Variants in ADRB1 observed in about 807,000 individuals in gnomAD.
ADRB1 encodes the protein adrenoceptor beta 1.
For synonymous variants in ADRB1, 365 were observed against 347.2 expected (o/e 1.05, Z -0.57); for missense variants, 635 against 709.1 (o/e 0.90, Z 1.19).
Position 114,044,593 on chromosome 10 carries a change from T to G in ADRB1, c.461T>G (p.Leu154Arg). 1 of 1,613,558 alleles carries G rather than the reference T, an allele frequency of 6.2e-7. No individual in the cohort carries two copies. Among genetic ancestry groups the G allele is most frequent in the Admixed American group, 1.7e-5 (1 of 60,026 alleles). ...ASIETLCVIA[L>R]DRYLAITSPF... Reference sequence around the variant, plus strand: ...ATCGAGACCCTGTGTGTCATTGCCCTGGACCGCTACCTCGCCATCACCTCG... The same window carrying G: ...ATCGAGACCCTGTGTGTCATTGCCCGGGACCGCTACCTCGCCATCACCTCG... The change falls in exon 1 of 1, where the codon CTG becomes CGG. Residue 154 changes from leucine (L) to arginine (R), a missense_variant. Physicochemically the swap from Leu to Arg is moderately radical, Grantham distance 102. Transcript: ENST00000369295. This position sits in a 1 kb window ranked among gnomAD's most constrained non-coding sequence, Gnocchi z 7.8.
Position 114,045,797 on chromosome 10 carries a change from C to CAT in ADRB1, c.*231_*232insAT. On this transcript the variant is annotated 3_prime_UTR_variant, in exon 1 of 1. Transcript: ENST00000369295. ...TTTTTTTTCTTTTCTTTTCTTTCTTCTTCTTTTTTTTTTTTTTTTTTTTTT... is the reference window on the plus strand; with the variant it reads ...TTTTTTTTCTTTTCTTTTCTTTCTTCATTTCTTTTTTTTTTTTTTTTTTTTTT... 5.6e-6 allele frequency: 1 copy of CAT among 177,312 alleles called. No homozygotes were observed. Among genetic ancestry groups the CAT allele is most frequent in the Admixed American group, 1.1e-4 (1 of 9,022 alleles). The allele number at this position is 177,312 out of a possible 1,614,324, so 11.0% of individuals were successfully genotyped here. A position where few individuals can be genotyped will look rare whatever the true frequency, so the allele number is the denominator to read the frequency against.
Position 114,044,569 on chromosome 10 carries a change from T to C in ADRB1, c.437T>C (p.Ile146Thr). The C allele has an allele frequency of 1.9e-6, 3 of 1,613,698 alleles. No homozygotes were observed. Among genetic ancestry groups the C allele is most frequent in the Non-Finnish European group, 2.5e-6 (3 of 1,179,944 alleles). The change falls in exon 1 of 1, where the codon ATC (isoleucine) becomes ACC (threonine). Residue 146 changes from isoleucine to threonine, a missense_variant. Coordinates refer to ENST00000369295, the MANE Select transcript of ADRB1 (RefSeq NM_000684.3). The surrounding 1 kb of genome is among the most constrained non-coding windows in gnomAD (Gnocchi z 7.8). ...GACGTGCTGTGCGTGACGGCCAGCA[T>C]CGAGACCCTGTGTGTCATTGCCCTG... ...SVDVLCVTAS[I>T]ETLCVIALDR...
rs1847538581 is a variant in ADRB1 at position 114,044,960 on chromosome 10, G to GCCCTCT, written c.833_834insTCCCTC (p.Ser278_Pro279dup). ...GCCCAGCGCGGCCGCCCTCGCCCTCGCCCTCGCCCGTCCCCGCGCCCGCGC... is the reference window on the plus strand; with the variant it reads ...GCCCAGCGCGGCCGCCCTCGCCCTCGCCCTCTCCCTCGCCCGTCCCCGCGCCCGCGC... On this transcript the variant is annotated inframe_insertion, in exon 1 of 1. Coordinates refer to ENST00000369295, the MANE Select transcript of ADRB1 (RefSeq NM_000684.3). The surrounding 1 kb of genome is among the most constrained non-coding windows in gnomAD (Gnocchi z 7.8). The GCCCTCT allele has an allele frequency of 3.2e-6, 4 of 1,263,678 alleles. No individual in the cohort carries two copies. The highest frequency in any genetic ancestry group is 4.0e-6 in the Non-Finnish European group (4 of 998,414). 78.3% of individuals were successfully genotyped at this position (1,263,678 alleles called of 1,614,324 possible).
Position 114,045,448 on chromosome 10 carries a change from C to T in ADRB1, c.1316C>T (p.Thr439Met), listed in dbSNP as rs1232115036. 7 of 1,250,452 alleles carry T rather than the reference C, an allele frequency of 5.6e-6. No homozygotes were observed. The highest frequency in any genetic ancestry group is 6.4e-5 in the East Asian group (2 of 31,098). The allele number at this position is 1,250,452 out of a possible 1,614,324, so 77.5% of individuals were successfully genotyped here. The change falls in exon 1 of 1, where the codon ACG becomes ATG. Residue 439 changes from threonine (T) to methionine (M), a missense_variant. Transcript: ENST00000369295. Reference protein sequence around the residue: ...DDDDDDVVGATPPARLLEPWA... With the variant: ...DDDDDDVVGAMPPARLLEPWA... ...GACGACGACGATGTCGTCGGGGCCA[C>T]GCCGCCCGCGCGCCTGCTGGAGCCC...
In ADRB1 at chr10:114,045,638, C is replaced by G; in HGVS notation, c.*72C>G. The G allele has an allele frequency of 3.3e-6, 4 of 1,210,866 alleles. No homozygotes were observed. The highest frequency in any genetic ancestry group is 4.2e-6 in the Non-Finnish European group (4 of 956,038). 75.0% of individuals were successfully genotyped at this position (1,210,866 alleles called of 1,614,324 possible). A position where few individuals can be genotyped will look rare whatever the true frequency, so the allele number is the denominator to read the frequency against. On this transcript the variant is annotated 3_prime_UTR_variant, in exon 1 of 1. Coordinates refer to ENST00000369295, the MANE Select transcript of ADRB1 (RefSeq NM_000684.3). The stretch of plus-strand genomic sequence containing the variant: ...GAGGAGATCTGTGTTTACTTAAGAC[C>G]GATAGCAGGTGAACTCGAAGCCCAC...
Position 114,044,267 on chromosome 10 carries a change from C to G in ADRB1, c.135C>G (p.Pro45=), listed in dbSNP as rs746355133. The G allele has an allele frequency of 1.3e-6, 2 of 1,526,068 alleles. No homozygotes were observed. The highest frequency in any genetic ancestry group is 2.8e-5 in the African/African-American group (2 of 70,386). The allele number at this position is 1,526,068 out of a possible 1,614,324, so 94.5% of individuals were successfully genotyped here. ...PASPPASLLP[P]ASESPEPLSQ... The stretch of plus-strand genomic sequence containing the variant: ...CGCCGCCCGCCTCGTTGCTGCCTCC[C>G]GCCAGCGAAAGCCCCGAGCCGCTGT... Residue 45 remains proline, a synonymous_variant, in exon 1 of 1, where the codon CCC becomes CCG. Coordinates refer to ENST00000369295, the MANE Select transcript of ADRB1 (RefSeq NM_000684.3). This position sits in a 1 kb window ranked among gnomAD's most constrained non-coding sequence, Gnocchi z 7.8.
At position 114,044,071 on chromosome 10, in the gene ADRB1, G is replaced by A. The variant is rs1847523894; in HGVS notation, c.-62G>A. 8.3e-7 allele frequency: 1 copy of A among 1,205,612 alleles called. No individual in the cohort carries two copies. The highest frequency in any genetic ancestry group is 4.4e-5 in the Admixed American group (1 of 22,500). The allele number at this position is 1,205,612 out of a possible 1,614,324, so 74.7% of individuals were successfully genotyped here. The stretch of plus-strand genomic sequence containing the variant: ...CGCACCACGCCGCCCGGGCTTCTGG[G>A]GTGTTCCCCAACCACGGCCCAGCCC... On this transcript the variant is annotated 5_prime_UTR_variant, in exon 1 of 1. Coordinates refer to ENST00000369295, the MANE Select transcript of ADRB1 (RefSeq NM_000684.3). This position sits in a 1 kb window ranked among gnomAD's most constrained non-coding sequence, Gnocchi z 7.8.
chr10:114,044,586 A>C lies in ADRB1; in HGVS notation c.454A>C (p.Ile152Leu). 6.2e-7 allele frequency: 1 copy of C among 1,613,544 alleles called. No individual in the cohort carries two copies. The highest frequency in any genetic ancestry group is 8.5e-7 in the Non-Finnish European group (1 of 1,179,944). Residue 152 changes from isoleucine (I) to leucine (L), a missense_variant, in exon 1 of 1, where the codon ATT (isoleucine) becomes CTT (leucine). Ile to Leu is a conservative substitution (Grantham distance 5). Transcript: ENST00000369295. The surrounding 1 kb of genome is among the most constrained non-coding windows in gnomAD (Gnocchi z 7.8). ...VTASIETLCV[I>L]ALDRYLAITS... is the part of the protein sequence containing the mutation. ...GGCCAGCATCGAGACCCTGTGTGTC[A>C]TTGCCCTGGACCGCTACCTCGCCAT... is the stretch of plus-strand genomic sequence containing the variant.
At position 114,045,766 on chromosome 10, in the gene ADRB1, G is replaced by GT; in HGVS notation, c.*202dup. On this transcript the variant is annotated 3_prime_UTR_variant, in exon 1 of 1. Transcript: ENST00000369295. Reference sequence around the variant, plus strand: ...GGAGAGTGGCTTGCTGATGTTCCTTGTTGTTTTTTTTTTCTTTTCTTTTCT... The same window carrying GT: ...GGAGAGTGGCTTGCTGATGTTCCTTGTTTGTTTTTTTTTTCTTTTCTTTTCT... The GT allele has an allele frequency of 7.0e-6, 2 of 287,152 alleles. No homozygotes were observed. Among genetic ancestry groups the GT allele is most frequent in the Non-Finnish European group, 1.3e-5 (2 of 157,202 alleles). The allele number at this position is 287,152 out of a possible 1,614,324, so 17.8% of individuals were successfully genotyped here. A position where few individuals can be genotyped will look rare whatever the true frequency, so the allele number is the denominator to read the frequency against.
chr10:114,045,390 C>G lies in ADRB1; in HGVS notation c.1258C>G (p.Pro420Ala). 8.0e-7 allele frequency: 1 copy of G among 1,247,918 alleles called. No individual in the cohort carries two copies. The highest frequency in any genetic ancestry group is 1.0e-6 in the Non-Finnish European group (1 of 995,278). 77.3% of individuals were successfully genotyped at this position (1,247,918 alleles called of 1,614,324 possible). Reference protein sequence around the residue: ...RASGCLARPGPPPSPGAASDD... With the variant: ...RASGCLARPGAPPSPGAASDD... ...CTCGGGCTGTCTGGCCCGGCCCGGA[C>G]CCCCGCCATCGCCCGGGGCCGCCTC... The change falls in exon 1 of 1, where the codon CCC becomes GCC. Residue 420 changes from proline (P) to alanine (A), a missense_variant. Transcript: ENST00000369295.
Position 114,045,620 on chromosome 10 carries a change from T to A in ADRB1, c.*54T>A. 1.6e-6 allele frequency: 2 copies of A among 1,252,426 alleles called. No individual in the cohort carries two copies. Among genetic ancestry groups the A allele is most frequent in the Non-Finnish European group, 1.0e-6 (1 of 989,008 alleles). 77.6% of individuals were successfully genotyped at this position (1,252,426 alleles called of 1,614,324 possible). ...ACGGCTTCCCAGGGGAACGAGGAGA[T>A]CTGTGTTTACTTAAGACCGATAGCA... On this transcript the variant is annotated 3_prime_UTR_variant, in exon 1 of 1. Transcript: ENST00000369295.
chr10:114,045,590 C>CG lies in ADRB1; in HGVS notation c.*27dup, dbSNP rs1373138139. On this transcript the variant is annotated 3_prime_UTR_variant, in exon 1 of 1. Coordinates refer to ENST00000369295, the MANE Select transcript of ADRB1 (RefSeq NM_000684.3). ...AGGGCCCGGCGCGGGGCGCGGACTC[C>CG]GGGCACGGCTTCCCAGGGGAACGAG... 7.9e-7 allele frequency: 1 copy of CG among 1,271,966 alleles called. No homozygotes were observed. Among genetic ancestry groups the CG allele is most frequent in the Non-Finnish European group, 1.0e-6 (1 of 1,001,472 alleles). 78.8% of individuals were successfully genotyped at this position (1,271,966 alleles called of 1,614,324 possible).
rs925216195 is a variant in ADRB1, at chr10:114,043,934, G to A, written c.-199G>A. On this transcript the variant is annotated 5_prime_UTR_variant, in exon 1 of 1. Transcript: ENST00000369295. ...GGCTCCAGCAGCAGCGGCGGCGGCG[G>A]CGGCGGCGGCAGCGGCAGCGACAGC... is the stretch of plus-strand genomic sequence containing the variant. 3.8e-6 allele frequency: 1 copy of A among 262,136 alleles called. No homozygotes were observed. Among genetic ancestry groups the A allele is most frequent in the Non-Finnish European group, 6.6e-6 (1 of 151,578 alleles). 16.2% of individuals were successfully genotyped at this position (262,136 alleles called of 1,614,324 possible).
rs752073376 is a variant in ADRB1, at chr10:114,044,854, C to A, written c.722C>A (p.Ala241Asp). The A allele has an allele frequency of 1.9e-6, 3 of 1,613,594 alleles. No individual in the cohort carries two copies. In the South Asian group the frequency reaches 3.3e-5, roughly 18 times the overall value. Residue 241 changes from alanine to aspartate, a missense_variant, in exon 1 of 1, where the codon GCC becomes GAC. Coordinates refer to ENST00000369295, the MANE Select transcript of ADRB1 (RefSeq NM_000684.3). This position sits in a 1 kb window ranked among gnomAD's most constrained non-coding sequence, Gnocchi z 7.8. ...VSFYVPLCIM[A>D]FVYLRVFREA... ...TTCTACGTGCCCCTGTGCATCATGG[C>A]CTTCGTGTACCTGCGGGTGTTCCGC...
chr10:114,045,827 T>G lies in ADRB1; in HGVS notation c.*261T>G. 3.7e-6 allele frequency: 1 copy of G among 268,076 alleles called. No homozygotes were observed. Among genetic ancestry groups the G allele is most frequent in the Non-Finnish European group, 7.0e-6 (1 of 143,108 alleles). 16.6% of individuals were successfully genotyped at this position (268,076 alleles called of 1,614,324 possible). A position where few individuals can be genotyped will look rare whatever the true frequency, so the allele number is the denominator to read the frequency against. On this transcript the variant is annotated 3_prime_UTR_variant, in exon 1 of 1. Transcript: ENST00000369295. ...TTTTTTTTTTTTTTTTTTTTTCTGT[T>G]TGTGGTCCGGCCTTCTTTTGTGTGT...
At position 114,046,694 on chromosome 10, in the gene ADRB1, T is replaced by C. The variant is rs1468667073; in HGVS notation, c.*1128T>C. The C allele has an allele frequency of 6.0e-6, 1 of 167,066 alleles. No individual in the cohort carries two copies. The highest frequency in any genetic ancestry group is 1.5e-5 in the Non-Finnish European group (1 of 68,130). The allele number at this position is 167,066 out of a possible 1,614,324, so 10.3% of individuals were successfully genotyped here. On this transcript the variant is annotated 3_prime_UTR_variant, in exon 1 of 1. Transcript: ENST00000369295. ...TTTTTATACTCCTTTATCATGGTAC[T>C]GTAACTGTATCCATATTATAAATAT...
In ADRB1 at chr10:114,045,641, T is replaced by G. The variant is rs549910518; in HGVS notation, c.*75T>G. The G allele has an allele frequency of 5.8e-6, 7 of 1,209,262 alleles. No individual in the cohort carries two copies. The allele number at this position is 1,209,262 out of a possible 1,614,324, so 74.9% of individuals were successfully genotyped here. On this transcript the variant is annotated 3_prime_UTR_variant, in exon 1 of 1. Transcript: ENST00000369295. ...GAGATCTGTGTTTACTTAAGACCGATAGCAGGTGAACTCGAAGCCCACAAT... is the reference window on the plus strand; with the variant it reads ...GAGATCTGTGTTTACTTAAGACCGAGAGCAGGTGAACTCGAAGCCCACAAT...
rs768923241 is a variant in ADRB1, at chr10:114,044,941, C to A, written c.809C>A (p.Ala270Glu). 3.9e-6 allele frequency: 6 copies of A among 1,530,604 alleles called. No homozygotes were observed. The highest frequency in any genetic ancestry group is 2.4e-5 in the East Asian group (1 of 42,350). The allele number at this position is 1,530,604 out of a possible 1,614,324, so 94.8% of individuals were successfully genotyped here. The change falls in exon 1 of 1, where the codon GCG becomes GAG. Residue 270 changes from alanine (A) to glutamate (E), a missense_variant. Coordinates refer to ENST00000369295, the MANE Select transcript of ADRB1 (RefSeq NM_000684.3). This position sits in a 1 kb window ranked among gnomAD's most constrained non-coding sequence, Gnocchi z 7.8. ...GAGCGCCGTTTCCTCGGCGGCCCAGCGCGGCCGCCCTCGCCCTCGCCCTCG... is the reference window on the plus strand; with the variant it reads ...GAGCGCCGTTTCCTCGGCGGCCCAGAGCGGCCGCCCTCGCCCTCGCCCTCG... ...SCERRFLGGP[A>E]RPPSPSPSPV...
Position 114,045,539 on chromosome 10 carries a change from C to T in ADRB1, c.1407C>T (p.Pro469=). 1 of 1,309,796 alleles carries T rather than the reference C, an allele frequency of 7.6e-7. No homozygotes were observed. 81.1% of individuals were successfully genotyped at this position (1,309,796 alleles called of 1,614,324 possible). A position where few individuals can be genotyped will look rare whatever the true frequency, so the allele number is the denominator to read the frequency against. ...SDSSLDEPCR[P]GFASESKV ...CGAGCCTGGACGAGCCGTGCCGCCCCGGCTTCGCCTCGGAATCCAAGGTGT... is the reference window on the plus strand; with the variant it reads ...CGAGCCTGGACGAGCCGTGCCGCCCTGGCTTCGCCTCGGAATCCAAGGTGT... Residue 469 remains proline, a synonymous_variant, in exon 1 of 1, where the codon CCC becomes CCT. Coordinates refer to ENST00000369295, the MANE Select transcript of ADRB1 (RefSeq NM_000684.3).
Sources: allele counts gnomAD v4.1 joint callset, GRCh38; gene constraint gnomAD v4.1.1; non-coding constraint Gnocchi (gnomAD v3.1); transcripts MANE v1.5; gene names NCBI Gene and HGNC (gene_info 2026-07-23, HGNC 2026-07-21).